The following LRRC49 variants were observed in gnomAD, a reference collection of about 807,000 sequenced individuals.
The protein encoded by LRRC49 is leucine-rich repeat-containing protein 49.
In LRRC49, 50 loss-of-function variants were observed where a neutral mutation model predicts 83.3. The observed-to-expected ratio is 0.60, with a 90% confidence interval of 0.48 to 0.76. LRRC49 has a LOEUF of 0.76. Ranked by LOEUF, LRRC49 falls within the 30% of genes least tolerant of loss-of-function variation. LRRC49 has a pLI of 0.00. For synonymous variants in LRRC49, 286 were observed against 283.3 expected (o/e 1.01, Z -0.10); for missense variants, 704 against 809.1 (o/e 0.87, Z 1.58).
upstream of LRRC49, among the ~76,000 whole-genome samples, chr15:70,889,816 G>T (rs2033506674): frequency 1.3e-5 from 2 of 152,076 alleles, no homozygotes; most frequent in Admixed American, 1.3e-4. Context: ...GTTAGTCCTG[G>T]GATTGGGAAG....
intron 10 of LRRC49, among the ~76,000 whole-genome samples, chr15:70,982,494 T>G (rs1387476485): frequency 1.3e-5 from 2 of 152,200 alleles, no homozygotes; most frequent in Admixed American, 1.3e-4. Context: ...TTGCTTTATA[T>G]AAGGAGCACA....
Position 70,904,752 on chromosome 15 carries a change from A to C in LRRC49, c.497A>C (p.Asn166Thr). The C allele has an allele frequency of 6.2e-7, 1 of 1,610,612 alleles. No individual in the cohort carries two copies. Among genetic ancestry groups the C allele is most frequent in the African/African-American group, 1.3e-5 (1 of 74,916 alleles). The change falls in exon 5 of 16, where the codon AAC becomes ACC. Residue 166 changes from asparagine (N) to threonine (T), a missense_variant. Asn to Thr is a moderately conservative substitution (Grantham distance 65, BLOSUM62 0). Coordinates refer to ENST00000260382, the MANE Select transcript of LRRC49 (RefSeq NM_017691.5). Reference protein sequence around the residue: ...RCLRVLLLGKNRIKKISNLEN... With the variant: ...RCLRVLLLGKTRIKKISNLEN... The stretch of plus-strand genomic sequence containing the variant: ...CTTCGTGTCCTTCTGTTGGGGAAAA[A>C]CAGGTATTCTTTGTAGAGCAGTTTT...
intron 7 of LRRC49, among the ~76,000 whole-genome samples, chr15:70,930,660 A>G (rs1164631671): frequency 1.3e-5 from 2 of 152,192 alleles, no homozygotes; most frequent in Non-Finnish European, 2.9e-5. Context: ...TCTATATTGA[A>G]AATCTGTTGT....
intron 8 of LRRC49, among the ~76,000 whole-genome samples, chr15:70,937,281 A>C (rs1413910506): frequency 6.6e-6 from 1 of 152,222 alleles, no homozygotes; most frequent in African/African-American, 2.4e-5. Context: ...CTCTGCTTAG[A>C]ATTAATGCTG....
chr15:70,960,410 G>A (rs979957380), intron 8 of LRRC49, among the ~76,000 whole-genome samples: 4 of 152,222 alleles, frequency 2.6e-5, no homozygotes, highest in African/African-American at 7.2e-5. Flanking sequence ...CTGATGAGGA[G>A]TGATATAACA....
Position 70,901,010 on chromosome 15 carries a change from G to A in LRRC49, c.282G>A (p.Arg94=), listed in dbSNP as rs1418761325. ...SSEEKILYSD[R]LSLERQKLTV... Reference sequence around the variant, plus strand: ...AAGAGAAAATTCTTTACTCAGACAGGTTGAGCCTAGAAAGGTGAGGACAAT... The same window carrying A: ...AAGAGAAAATTCTTTACTCAGACAGATTGAGCCTAGAAAGGTGAGGACAAT... Residue 94 remains arginine (R), a synonymous_variant, in exon 4 of 16, where the codon AGG becomes AGA. Coordinates refer to ENST00000260382, the MANE Select transcript of LRRC49 (RefSeq NM_017691.5). The A allele has an allele frequency of 1.6e-5, 25 of 1,603,132 alleles. No individual in the cohort carries two copies. Among genetic ancestry groups the A allele is most frequent in the Non-Finnish European group, 2.1e-5 (25 of 1,173,312 alleles).
chr15:70,943,055 A>G lies in LRRC49; in HGVS notation c.773+6233A>G, dbSNP rs117980526. ...TTTATTGCTTCTTCCTCATCTGGCA[A>G]TTGTTTTGATTGTATTCTGGGCATT... is the stretch of plus-strand genomic sequence containing the variant. On this transcript the variant is annotated intron_variant, in intron 8 of 15. Transcript: ENST00000260382. Among the ~76,000 whole-genome samples the G allele has an allele frequency of 2.5e-4, 38 of 151,934 alleles. No homozygotes were observed. The East Asian group carries it at 4.3e-3, about 17-fold the overall frequency.
rs558323289 is a variant in LRRC49 at position 70,859,632 on chromosome 15, T to A, written c.-299+6163T>A. ...GACCTGCAGCCTATAAAGACTGAGA[T>A]CTCCGAGATGAACTGGAACATCAGC... On this transcript the variant is annotated intron_variant, in intron 1 of 16. Coordinates refer to the LRRC49 transcript ENST00000544974. The A allele has an allele frequency of 6.3e-6, 4 of 639,224 alleles. No homozygotes were observed. The African/African-American group carries it at 7.2e-5, about 11-fold the overall frequency. 39.6% of individuals were successfully genotyped at this position (639,224 alleles called of 1,614,324 possible).
intron 2 of LRRC49, among the ~76,000 whole-genome samples, chr15:70,881,039 T>C (rs2033253167): frequency 6.6e-6 from 1 of 152,104 alleles, no homozygotes. Flanking sequence ...GTCTGGGCAA[T>C]GTAGTGAGAC....
At chr15:70,983,349 T>A (rs1003137423) in intron 10 of LRRC49, among the ~76,000 whole-genome samples, 1 of 152,130 alleles carries the variant, frequency 6.6e-6, no homozygotes, top group Non-Finnish European at 1.5e-5. Flanking sequence ...TTAGAATACT[T>A]AGGAGAATTC....
At chr15:70,962,942 G>T (rs573582522) in intron 8 of LRRC49, among the ~76,000 whole-genome samples, 11 of 152,090 alleles carry the variant, frequency 7.2e-5, no homozygotes, top group Admixed American at 2.6e-4. Flanking sequence ...ATGTTGATCA[G>T]GGTCAACATC....
chr15:70,858,296 T>C (rs2032700422), intron 1 of LRRC49, among the ~76,000 whole-genome samples: 1 of 152,222 alleles, frequency 6.6e-6, no homozygotes, highest in Non-Finnish European at 1.5e-5. Context: ...TTTTTTCTTT[T>C]TCTTTTTTGA....
chr15:70,963,891 A>T lies in LRRC49; in HGVS notation c.880A>T (p.Asn294Tyr), dbSNP rs1312091867. 1 of 1,613,546 alleles carries T rather than the reference A, an allele frequency of 6.2e-7. No individual in the cohort carries two copies. Among genetic ancestry groups the T allele is most frequent in the African/African-American group, 1.3e-5 (1 of 75,024 alleles). ...ESWYKHTVLQ[N>Y]MMQLRQLDMK... ...ATGGTACAAACACACTGTCCTTCAGAATATGATGCAGCTGCGCCAGCTAGA... is the reference window on the plus strand; with the variant it reads ...ATGGTACAAACACACTGTCCTTCAGTATATGATGCAGCTGCGCCAGCTAGA... Residue 294 changes from asparagine to tyrosine, a missense_variant, in exon 9 of 16, where the codon AAT (asparagine) becomes TAT (tyrosine). Asn to Tyr is a moderately radical substitution (Grantham distance 143). Transcript: ENST00000260382.
At position 70,964,137 on chromosome 15, in the gene LRRC49, C is replaced by G. The variant is rs2036709004; in HGVS notation, c.921+205C>G. On this transcript the variant is annotated intron_variant, in intron 9 of 15. Transcript: ENST00000260382. ...TGAGCAAGACTTTTAAAATTCCTAG[C>G]CTTCTGTTTAAATTAATCATCGTGT... Among the ~76,000 whole-genome samples, 3 of 152,200 alleles carry G rather than the reference C, an allele frequency of 2.0e-5. No homozygotes were observed. The South Asian group carries it at 6.2e-4, about 32-fold the overall frequency.
chr15:70,855,597 G>T (rs2032636671), intron 1 of LRRC49, among the ~76,000 whole-genome samples: 1 of 152,306 alleles, frequency 6.6e-6, no homozygotes, highest in African/African-American at 2.4e-5. Flanking sequence ...CATGTATAGG[G>T]TCCTGGGTGT....
At chr15:70,988,821 G>A (rs946264966) in intron 11 of LRRC49, among the ~76,000 whole-genome samples, 11 of 152,068 alleles carry the variant, frequency 7.2e-5, no homozygotes, top group Non-Finnish European at 1.6e-4. Context: ...AGCTCTTTTA[G>A]GGCAGGCCTG....
chr15:70,886,114 A>G (rs1025400611), intron 2 of LRRC49, among the ~76,000 whole-genome samples: 1 of 152,226 alleles, frequency 6.6e-6, no homozygotes, highest in African/African-American at 2.4e-5. Context: ...TGGAAATTAG[A>G]TATTTTATAC....
chr15:70,893,209 G>A lies in LRRC49; in HGVS notation c.48+267G>A, dbSNP rs887718158. 1.6e-4 allele frequency: 96 copies of A among 583,348 alleles called. 1 individual carries two copies. The East Asian group carries it at 2.7e-3, about 16-fold the overall frequency. 36.1% of individuals were successfully genotyped at this position (583,348 alleles called of 1,614,324 possible). ...GGCTTGGGTTTATTTAAATTCCTTT[G>A]GCCAGTCAATTCCTTTTTCTTTTCT... is the stretch of plus-strand genomic sequence containing the variant. On this transcript the variant is annotated intron_variant, in intron 1 of 15. Transcript: ENST00000260382.
In LRRC49 at chr15:70,984,265, A is replaced by G. The variant is rs200563038; in HGVS notation, c.1169+8A>G. 235 of 1,589,912 alleles carry G rather than the reference A, an allele frequency of 1.5e-4. No homozygotes were observed. The highest frequency in any genetic ancestry group is 3.9e-4 in the Admixed American group (22 of 56,402). Reference sequence around the variant, plus strand: ...ATTCCCAGAGGAAACAGGGTATGCAATGGTATTTTTTCAAGATACAAGCAT... The same window carrying G: ...ATTCCCAGAGGAAACAGGGTATGCAGTGGTATTTTTTCAAGATACAAGCAT... On this transcript the variant is annotated splice_region_variant and intron_variant, in intron 11 of 15. Transcript: ENST00000260382.
Sources: allele counts gnomAD v4.1 joint callset (sites outside exome capture counted in the v4.1 genomes callset), GRCh38; gene constraint gnomAD v4.1.1; transcripts MANE v1.5; gene names NCBI Gene and HGNC (gene_info 2026-07-23, HGNC 2026-07-21).